EIF4B: variants seen among roughly 807,000 people sequenced by gnomAD.
The protein encoded by EIF4B is eukaryotic translation initiation factor 4B.
Under a neutral mutation model 79.3 loss-of-function variants are expected in EIF4B, and 8 were observed. The ratio of observed to expected loss-of-function variants is 0.10; its 90% CI spans 0.06 to 0.18. EIF4B has a LOEUF of 0.18. Ranked by LOEUF, EIF4B falls within the 10% of genes least tolerant of loss-of-function variation. EIF4B has a pLI of 1.00. For missense variants in EIF4B, 515 were observed against 792.4 expected, an observed-to-expected ratio of 0.65 and a Z score of 4.20; for synonymous variants, 238 against 274.7, an observed-to-expected ratio of 0.87 and a Z score of 1.32.
At chr12:53,020,634 T>G (rs772383729) in intron 4 of EIF4B, among the ~76,000 whole-genome samples, 7 of 152,224 alleles carry the variant, frequency 4.6e-5, no homozygotes, top group Non-Finnish European at 1.0e-4. Flanking sequence ...ACCTTATTGT[T>G]TATTGATAAG....
intron 1 of EIF4B, among the ~76,000 whole-genome samples, chr12:53,009,203 C>T (rs1300183040): frequency 1.3e-5 from 2 of 152,132 alleles, no homozygotes; most frequent in African/African-American, 2.4e-5. Flanking sequence ...GAATCAAATG[C>T]GTTTGATACA....
intron 11 of EIF4B, chr12:53,037,851 C>A: frequency 1.8e-6 from 1 of 564,104 alleles, no homozygotes; most frequent in Non-Finnish European, 3.2e-6. Flanking sequence ...ACTAATGCCG[C>A]ACAAATCTGC....
chr12:53,028,041 A>G lies in EIF4B; in HGVS notation c.832A>G (p.Arg278Gly). Residue 278 changes from arginine to glycine, a missense_variant, in exon 8 of 15, where the codon AGA becomes GGA. Physicochemically the swap from Arg to Gly is moderately radical, Grantham distance 125 (BLOSUM62 -2). Around this residue, in one of 6 missense-constraint regions of EIF4B, gnomAD observed 187 missense variants for 256.5 expected, o/e 0.73. Transcript: ENST00000262056. ...RGYDSRIGSG[R>G]RAFGSGYRRD... ...CTATGATTCCCGGATAGGCAGTGGC[A>G]GAAGAGCATTTGGCAGTGGGTATCG... 1 of 1,612,788 alleles carries G rather than the reference A, an allele frequency of 6.2e-7. No homozygotes were observed. The highest frequency in any genetic ancestry group is 8.5e-7 in the Non-Finnish European group (1 of 1,179,260).
In EIF4B at chr12:53,016,457, T is replaced by C. The variant is rs772528510; in HGVS notation, c.14-16T>C. 4.3e-6 allele frequency: 7 copies of C among 1,611,916 alleles called. No homozygotes were observed. The highest frequency in any genetic ancestry group is 5.9e-6 in the Non-Finnish European group (7 of 1,179,826). On this transcript the variant is annotated splice_polypyrimidine_tract_variant and intron_variant, in intron 1 of 14. Transcript: ENST00000262056. ...TGAGTATTGGTGAATAATCTTTCTC[T>C]TGCCTTTTAAAACAGCAAAAAAGAA...
chr12:53,006,526 CT>C (rs1942962877), intron 1 of EIF4B, 30 bp downstream of exon 1: 1 of 1,613,390 alleles, frequency 6.2e-7, no homozygotes, highest in African/African-American at 1.3e-5. Flanking sequence ...CGGCCAAGGA[CT>C]GGGCTCTGAA....
chr12:53,007,808 T>C (rs1221683338), intron 1 of EIF4B, among the ~76,000 whole-genome samples: 2 of 152,218 alleles, frequency 1.3e-5, no homozygotes, highest in South Asian at 4.1e-4. Flanking sequence ...ACATCTTTCA[T>C]TGGTGTAACG....
intron 6 of EIF4B, 57 bp from the exon 7 acceptor site, chr12:53,027,725 G>C: frequency 6.4e-7 from 1 of 1,568,850 alleles, no homozygotes; most frequent in Non-Finnish European, 8.7e-7. Context: ...AGCTTACCGT[G>C]TTTCTATTAA....
intron 3 of EIF4B, 127 bp downstream of exon 3, chr12:53,019,133 T>C (rs374944515): frequency 8.6e-7 from 1 of 1,161,682 alleles, no homozygotes. Context: ...GAATGGTGGC[T>C]CACGCCTGTA....
intron 4 of EIF4B, among the ~76,000 whole-genome samples, chr12:53,021,105 A>G (rs1943241108): frequency 6.6e-6 from 1 of 152,200 alleles, no homozygotes; most frequent in Non-Finnish European, 1.5e-5. Context: ...TGAAATGAGG[A>G]AAAATCAGCA....
intron 6 of EIF4B, 31 bp downstream of exon 6, chr12:53,022,658 C>CCCCAA: frequency 6.2e-7 from 1 of 1,606,768 alleles, no homozygotes; most frequent in Middle Eastern, 1.7e-4. Flanking sequence ...TTAGCTTCCT[C>CCCCAA]TGTGCTTTGG....
At chr12:53,021,024 G>A (rs1943239714) in intron 4 of EIF4B, among the ~76,000 whole-genome samples, 1 of 152,132 alleles carries the variant, frequency 6.6e-6, no homozygotes, top group African/African-American at 2.4e-5. Context: ...TTTCATTATA[G>A]TGGTGTTTAA....
At chr12:53,028,262 G>C (rs371253854) in intron 8 of EIF4B, 74 bp downstream of exon 8, 2 of 1,504,410 alleles carry the variant, frequency 1.3e-6, no homozygotes, top group Non-Finnish European at 1.8e-6. Context: ...ATTGTGTTAC[G>C]AACTACTGAG....
intron 1 of EIF4B, chr12:53,014,042 G>C (rs540491448): frequency 6.6e-6 from 1 of 152,152 alleles, no homozygotes; most frequent in South Asian, 2.1e-4. Flanking sequence ...CATGCCTATA[G>C]TCCCAGCTAC....
At position 53,028,176 on chromosome 12, in the gene EIF4B, C is replaced by T. The variant is rs762506064; in HGVS notation, c.967C>T (p.Arg323Cys). The change falls in exon 8 of 15, where the codon CGT becomes TGT. Residue 323 changes from arginine (R) to cysteine (C), a missense_variant. Transcript: ENST00000262056. The stretch of plus-strand genomic sequence containing the variant: ...TGATTACTCTCGGGATGATTATAGG[C>T]GTGATGATAGAGGTAATAGTTTTCT... ...RDDYSRDDYR[R>C]DDRGPPQRPK... is the part of the protein sequence containing the mutation. The T allele has an allele frequency of 1.3e-5, 20 of 1,594,944 alleles. No individual in the cohort carries two copies. Among genetic ancestry groups the T allele is most frequent in the African/African-American group, 6.8e-5 (5 of 73,734 alleles).
chr12:53,031,622 C>G (rs981549706), intron 8 of EIF4B, among the ~76,000 whole-genome samples: 1 of 152,154 alleles, frequency 6.6e-6, no homozygotes, highest in African/African-American at 2.4e-5. Context: ...TTCTGAGCCC[C>G]TATTTTATCT....
chr12:53,035,151 T>C (rs1943518180), intron 10 of EIF4B, among the ~76,000 whole-genome samples: 1 of 152,054 alleles, frequency 6.6e-6, no homozygotes, highest in Admixed American at 6.6e-5. Flanking sequence ...TTTAGTGTTT[T>C]GGAAACCTAA....
At chr12:53,014,161 T>C (rs1943111391) in intron 1 of EIF4B, among the ~76,000 whole-genome samples, 18 of 151,354 alleles carry the variant, frequency 1.2e-4, no homozygotes, top group Admixed American at 1.2e-3. Flanking sequence ...GCCGGGCGCG[T>C]TGGCTCACGT....
In EIF4B at chr12:53,028,056, A is replaced by G. The variant is rs1943370122; in HGVS notation, c.847A>G (p.Ser283Gly). 3 of 1,613,516 alleles carry G rather than the reference A, an allele frequency of 1.9e-6. No homozygotes were observed. The highest frequency in any genetic ancestry group is 2.5e-6 in the Non-Finnish European group (3 of 1,179,710). The change falls in exon 8 of 15, where the codon AGT (serine) becomes GGT (glycine). Residue 283 changes from serine (S) to glycine (G), a missense_variant. By Grantham distance (56) the Ser-to-Gly change is moderately conservative. This residue lies in a region of EIF4B where 187 missense variants were observed against 256.5 expected (regional missense o/e 0.73). Transcript: ENST00000262056. ...AGGCAGTGGCAGAAGAGCATTTGGC[A>G]GTGGGTATCGCAGGGATGATGACTA... ...RIGSGRRAFG[S>G]GYRRDDDYRG...
chr12:53,006,995 CG>C (rs886652850), intron 1 of EIF4B, among the ~76,000 whole-genome samples: 3 of 65,886 alleles, frequency 4.6e-5, no homozygotes, highest in Admixed American at 1.8e-4. Flanking sequence ...GGTGGAGGGG[CG>C]GGGGAAGGCA....
Sources: gnomAD v4.1 joint callset for allele counts (sites outside exome capture counted in the v4.1 genomes callset) on GRCh38, gnomAD v4.1.1 for gene constraint, gnomAD v4.1.1 regional missense constraint, MANE v1.5 for transcripts, NCBI Gene and HGNC (gene_info 2026-07-23, HGNC 2026-07-21) for gene names.